The following HERC6 variants were observed in gnomAD, a reference collection of about 807,000 sequenced individuals.
The protein encoded by HERC6 is HECT and RLD domain containing E3 ubiquitin protein ligase family member 6, also known as probable E3 ubiquitin-protein ligase HERC6.
HERC6 carries 101 observed loss-of-function variants against 114.5 expected under a neutral mutation model. The ratio of observed to expected loss-of-function variants is 0.88; its 90% confidence interval spans 0.75 to 1.04. HERC6 has a LOEUF of 1.04. HERC6 is among the 50% of genes least tolerant of loss of function. The probability of loss-of-function intolerance (pLI) is 0.00; values close to 1 mark genes in which losing one functional copy is unlikely to be tolerated. For missense variants in HERC6, 1,133 were observed against 1,230.9 expected, an observed-to-expected ratio of 0.92 and a Z score of 1.19; for synonymous variants, 408 against 436.2, an observed-to-expected ratio of 0.94 and a Z score of 0.81.
chr4:88,380,441 G>A (rs1448008751), intron 1 of HERC6, among the ~76,000 whole-genome samples: 6 of 121,866 alleles, frequency 4.9e-5, no homozygotes, highest in East Asian at 2.1e-4. Context: ...ATAATAGGCC[G>A]GACGCGGTGG....
intron 5 of HERC6, among the ~76,000 whole-genome samples, 153 bp from the exon 6 acceptor site, chr4:88,395,862 C>G (rs1463659356): frequency 6.6e-6 from 1 of 152,074 alleles, no homozygotes; most frequent in African/African-American, 2.4e-5. Flanking sequence ...ACTCAACATA[C>G]ACTATTAGAA....
intron 17 of HERC6, among the ~76,000 whole-genome samples, chr4:88,432,975 C>T (rs1158975214): frequency 1.3e-5 from 2 of 151,836 alleles, no homozygotes; most frequent in Non-Finnish European, 2.9e-5. Flanking sequence ...GTAGTCCCAG[C>T]TACTCGGGAG....
In HERC6 at chr4:88,383,223, C is replaced by A. The variant is rs201754540; in HGVS notation, c.202C>A (p.Pro68Thr). Residue 68 changes from proline (P) to threonine (T), a missense_variant and splice_region_variant, in exon 2 of 23, where the codon CCA (proline) becomes ACA (threonine). This residue lies in a region of HERC6 where 735 missense variants were observed against 754.0 expected (regional missense o/e 0.97). Transcript: ENST00000264346. ...GTGTTTTGTTTTGTTTCCCAAAGAA[C>A]CAATTCAGGCATTGGAAACCCTAAT... The part of the protein sequence containing the change: ...RGAQRGELPE[P>T]IQALETLIVD... 3 of 1,609,822 alleles carry A rather than the reference C, an allele frequency of 1.9e-6. No homozygotes were observed. The highest frequency in any genetic ancestry group is 2.5e-6 in the Non-Finnish European group (3 of 1,178,164).
chr4:88,414,942 C>G (rs550903979), intron 12 of HERC6, among the ~76,000 whole-genome samples: 361 of 152,246 alleles, frequency 2.4e-3, no homozygotes, highest in African/African-American at 8.2e-3. Flanking sequence ...TGGAGTTGCT[C>G]TGGTTCAAAT....
intron 8 of HERC6, among the ~76,000 whole-genome samples, chr4:88,403,761 A>G (rs531044519): frequency 1.8e-4 from 28 of 152,080 alleles, no homozygotes; most frequent in Admixed American, 1.3e-3. Flanking sequence ...CTCAAAAATA[A>G]TAATAATAAA....
intron 3 of HERC6, 143 bp from the exon 4 acceptor site, chr4:88,390,509 T>C: frequency 1.4e-6 from 1 of 718,432 alleles, no homozygotes; most frequent in Non-Finnish European, 2.3e-6. Context: ...GCTCATCATA[T>C]TGTATACCTT....
rs763616827 is a variant in HERC6, at chr4:88,435,940, TGTTTAGGCATAA to T, written c.2417+50_2417+61del. 2.9e-6 allele frequency: 4 copies of T among 1,376,544 alleles called. No homozygotes were observed. In the African/African-American group the frequency reaches 4.4e-5, roughly 15 times the overall value. The allele number at this position is 1,376,544 out of a possible 1,614,324, so 85.3% of individuals were successfully genotyped here. ...AGGACCGTATCTAGTAAGTCTCAGT[TGTTTAGGCATAA>T]ATAATCTTACACACAGAGAGACAGA... On this transcript the variant is annotated intron_variant, in intron 18 of 22. Transcript: ENST00000264346.
At chr4:88,400,402 G>A (rs1439069644) in intron 8 of HERC6, among the ~76,000 whole-genome samples, 1 of 152,078 alleles carries the variant, frequency 6.6e-6, no homozygotes, top group Non-Finnish European at 1.5e-5. Context: ...TCGCCATGTT[G>A]CTCAGGCTGG....
intron 13 of HERC6, among the ~76,000 whole-genome samples, chr4:88,419,255 C>G (rs1736798640): frequency 6.6e-6 from 1 of 152,116 alleles, no homozygotes; most frequent in Non-Finnish European, 1.5e-5. Flanking sequence ...ATGGCTGTGT[C>G]AACATTAGGG....
intron 10 of HERC6, among the ~76,000 whole-genome samples, chr4:88,408,203 G>A (rs1230697204): frequency 1.3e-5 from 2 of 152,074 alleles, no homozygotes; most frequent in Non-Finnish European, 2.9e-5. Context: ...GGGGTAGGTA[G>A]TTCTAGTTCT....
chr4:88,440,972 T>C (rs1739293257), intron 22 of HERC6, among the ~76,000 whole-genome samples: 1 of 152,194 alleles, frequency 6.6e-6, no homozygotes, highest in Non-Finnish European at 1.5e-5. Flanking sequence ...TCACATGTGT[T>C]AGTGGCAGAG....
chr4:88,383,848 A>C (rs944729253), intron 2 of HERC6, among the ~76,000 whole-genome samples: 2 of 150,932 alleles, frequency 1.3e-5, no homozygotes, highest in African/African-American at 2.4e-5. Context: ...TGAGGGAAGA[A>C]GGGAGGAAAA....
In HERC6 at chr4:88,440,154, A is replaced by G; in HGVS notation, c.2746A>G (p.Lys916Glu). 2 of 1,607,888 alleles carry G rather than the reference A, an allele frequency of 1.2e-6. No individual in the cohort carries two copies. The highest frequency in any genetic ancestry group is 8.5e-7 in the Non-Finnish European group (1 of 1,175,986). Residue 916 changes from lysine (K) to glutamate (E), a missense_variant, in exon 22 of 23, where the codon AAG (lysine) becomes GAG (glutamate). This residue lies in a region of HERC6 where 388 missense variants were observed against 445.9 expected (regional missense o/e 0.87). Transcript: ENST00000264346. ...YDWKQFEQNSKYEQGYQKSHP... is the reference protein window; with the variant it reads ...YDWKQFEQNSEYEQGYQKSHP... ...TCTCCCTCTTTCTCTCAAGAATTCAAAGTATGAGCAAGGATACCAAAAATC... is the reference window on the plus strand; with the variant it reads ...TCTCCCTCTTTCTCTCAAGAATTCAGAGTATGAGCAAGGATACCAAAAATC...
intron 1 of HERC6, among the ~76,000 whole-genome samples, chr4:88,379,324 G>C (rs1207480659): frequency 6.6e-6 from 1 of 152,082 alleles, no homozygotes; most frequent in East Asian, 1.9e-4. Context: ...CTCGGGGCCC[G>C]AAGAGCCACA....
intron 17 of HERC6, among the ~76,000 whole-genome samples, chr4:88,434,765 C>CCA (rs1738569266): frequency 9.7e-6 from 1 of 103,316 alleles, no homozygotes; most frequent in Non-Finnish European, 2.1e-5. Flanking sequence ...AAAACAGAGA[C>CCA]AAAAAAAAAA....
chr4:88,419,881 G>A (rs1292439664), intron 13 of HERC6, among the ~76,000 whole-genome samples: 5 of 152,030 alleles, frequency 3.3e-5, no homozygotes, highest in Non-Finnish European at 7.4e-5. Flanking sequence ...GATAGAGAAA[G>A]CACAATATTA....
chr4:88,412,466 G>A (rs527913712), intron 11 of HERC6, among the ~76,000 whole-genome samples: 8 of 152,096 alleles, frequency 5.3e-5, no homozygotes, highest in Non-Finnish European at 1.2e-4. Flanking sequence ...AAATGGGCTG[G>A]CTGTGGCAGT....
chr4:88,426,979 T>C (rs1333015168), intron 15 of HERC6, among the ~76,000 whole-genome samples: 1 of 152,220 alleles, frequency 6.6e-6, no homozygotes, highest in Non-Finnish European at 1.5e-5. Flanking sequence ...TTTTCTCCTA[T>C]AGTCATGTTT....
chr4:88,385,510 C>T lies in HERC6; in HGVS notation c.371C>T (p.Thr124Ile). The T allele has an allele frequency of 2.1e-6, 3 of 1,446,292 alleles. No homozygotes were observed. Among genetic ancestry groups the T allele is most frequent in the South Asian group, 2.6e-5 (2 of 76,856 alleles). The allele number at this position is 1,446,292 out of a possible 1,614,324, so 89.6% of individuals were successfully genotyped here. A position where few individuals can be genotyped will look rare whatever the true frequency, so the allele number is the denominator to read the frequency against. Residue 124 changes from threonine to isoleucine, a missense_variant, in exon 3 of 23, where the codon ACT becomes ATT. This residue lies in a region of HERC6 where 735 missense variants were observed against 754.0 expected (regional missense o/e 0.97). Coordinates refer to ENST00000264346, the MANE Select transcript of HERC6 (RefSeq NM_017912.4). ...TATTTGTATTATAGGAAAATAATGA[C>T]TCTGAATGATATAAAAATAATACAA... ...EISFTPKKIM[T>I]LNDIKIIQVS...
Sources: allele counts gnomAD v4.1 joint callset (sites outside exome capture counted in the v4.1 genomes callset), GRCh38; gene constraint gnomAD v4.1.1; regional missense constraint gnomAD v4.1.1; transcripts MANE v1.5; gene names NCBI Gene and HGNC (gene_info 2026-07-23, HGNC 2026-07-21).